BIRC6: variants seen among roughly 807,000 people sequenced by gnomAD.
BIRC6 encodes the protein baculoviral IAP repeat containing 6.
A neutral mutation model predicts 503.3 loss-of-function variants in BIRC6; 98 were observed. The observed-to-expected ratio is 0.19, with a 90% CI of 0.17 to 0.23. The LOEUF (loss-of-function observed/expected upper bound fraction) is 0.23, where lower values mean the gene tolerates loss of function less well. Ranked by LOEUF, BIRC6 falls within the 10% of genes least tolerant of loss-of-function variation. The probability of loss-of-function intolerance (pLI) is 1.00; values close to 1 mark genes in which losing one functional copy is unlikely to be tolerated. For missense variants in BIRC6, 5,360 were observed against 5,806.0 expected, an observed-to-expected ratio of 0.92 and a Z score of 2.50; for synonymous variants, 2,240 against 2,078.7, an observed-to-expected ratio of 1.08 and a Z score of -2.11.
Position 32,415,601 on chromosome 2 carries a change from T to C in BIRC6, c.2310T>C (p.Asn770=), listed in dbSNP as rs748429940. 6.2e-7 allele frequency: 1 copy of C among 1,613,776 alleles called. No individual in the cohort carries two copies. The highest frequency in any genetic ancestry group is 1.1e-5 in the South Asian group (1 of 91,060). ...INQVEALNNL[N]KLNSALCNRR... The stretch of plus-strand genomic sequence containing the variant: ...AAGTAGAGGCCTTGAATAATTTAAA[T>C]AAATTAAACTCTGCACTATGTAATA... The change falls in exon 10 of 74, where the codon AAT becomes AAC. Residue 770 remains asparagine, a synonymous_variant. Coordinates refer to ENST00000421745, the MANE Select transcript of BIRC6 (RefSeq NM_016252.4).
chr2:32,500,050 T>C lies in BIRC6; in HGVS notation c.8972T>C (p.Met2991Thr). Reference sequence around the variant, plus strand: ...TTAGTCTTAGCCAACCAACAAATTATGAGCCAGATTTTGTCTGCTCTGGGC... The same window carrying C: ...TTAGTCTTAGCCAACCAACAAATTACGAGCCAGATTTTGTCTGCTCTGGGC... ...ADLVLANQQI[M>T]SQILSALGLC... Residue 2991 changes from methionine (M) to threonine (T), a missense_variant, in exon 46 of 74, where the codon ATG becomes ACG. By Grantham distance (81) the Met-to-Thr change is moderately conservative. Coordinates refer to ENST00000421745, the MANE Select transcript of BIRC6 (RefSeq NM_016252.4). 6.2e-7 allele frequency: 1 copy of C among 1,613,962 alleles called. No individual in the cohort carries two copies.
In BIRC6 at chr2:32,482,634, T is replaced by G. The variant is rs1008874319; in HGVS notation, c.7696+52T>G. 3 of 1,591,756 alleles carry G rather than the reference T, an allele frequency of 1.9e-6. No individual in the cohort carries two copies. The African/African-American group carries it at 4.0e-5, about 21-fold the overall frequency. On this transcript the variant is annotated intron_variant, in intron 39 of 73. Coordinates refer to ENST00000421745, the MANE Select transcript of BIRC6 (RefSeq NM_016252.4). ...ATATGCTATTCTTAAAACAAGTCTG[T>G]CATTTATGTATACTTTGTCCCTTGA...
rs1279941159 is a variant in BIRC6, at chr2:32,454,051, A to G, written c.4753+109A>G. Reference sequence around the variant, plus strand: ...AATTATGTAATTTTCATTGCTGTTAAGTGGAAATTTATTTGTGGGAGGGGC... The same window carrying G: ...AATTATGTAATTTTCATTGCTGTTAGGTGGAAATTTATTTGTGGGAGGGGC... On this transcript the variant is annotated intron_variant, in intron 23 of 73. Coordinates refer to ENST00000421745, the MANE Select transcript of BIRC6 (RefSeq NM_016252.4). 3.1e-6 allele frequency: 3 copies of G among 981,992 alleles called. No individual in the cohort carries two copies. In the African/African-American group the frequency reaches 5.1e-5, roughly 17 times the overall value. 60.8% of individuals were successfully genotyped at this position (981,992 alleles called of 1,614,324 possible).
chr2:32,595,801 A>G (rs2061638386), intron 68 of BIRC6, among the ~76,000 whole-genome samples: 1 of 152,194 alleles, frequency 6.6e-6, no homozygotes, highest in Non-Finnish European at 1.5e-5. Context: ...AAACCTCATT[A>G]TAAATCATTT....
At chr2:32,504,023 T>TG (rs1209512811) in intron 49 of BIRC6, among the ~76,000 whole-genome samples, 2 of 45,568 alleles carry the variant, frequency 4.4e-5, no homozygotes, top group African/African-American at 2.0e-4. Flanking sequence ...GGGCGGGGGG[T>TG]GGGGGGGTGT....
rs183861758 is a variant in BIRC6 at position 32,539,948 on chromosome 2, A to G, written c.12292-3293A>G. ...AAAACCACACAAATTGGACATCCAC[A>G]AATGATAGCAAGCACATTATTATAA... is the stretch of plus-strand genomic sequence containing the variant. On this transcript the variant is annotated intron_variant, in intron 61 of 73. Coordinates refer to ENST00000421745, the MANE Select transcript of BIRC6 (RefSeq NM_016252.4). Among the ~76,000 whole-genome samples the G allele has an allele frequency of 2.7e-3, 406 of 152,230 alleles. 6 individuals are homozygous for G. Among genetic ancestry groups the G allele is most frequent in the African/African-American group, 9.5e-3 (397 of 41,580 alleles).
At chr2:32,504,289 A>G (rs1319237450) in intron 49 of BIRC6, among the ~76,000 whole-genome samples, 1 of 151,964 alleles carries the variant, frequency 6.6e-6, no homozygotes, top group African/African-American at 2.4e-5. Context: ...TTTTCTTTTC[A>G]TATTTCTAAA....
At chr2:32,425,686 T>A (rs945542073) in intron 10 of BIRC6, among the ~76,000 whole-genome samples, 1 of 152,224 alleles carries the variant, frequency 6.6e-6, no homozygotes, top group African/African-American at 2.4e-5. Flanking sequence ...TCTATCTCTT[T>A]AAATCTTCCT....
intron 65 of BIRC6, among the ~76,000 whole-genome samples, chr2:32,559,303 C>A (rs1191757723): frequency 6.6e-6 from 1 of 152,206 alleles, no homozygotes; most frequent in African/African-American, 2.4e-5. Flanking sequence ...ACTGATTAAA[C>A]ATGCATTTGG....
intron 61 of BIRC6, among the ~76,000 whole-genome samples, chr2:32,533,675 G>A (rs1022012791): frequency 5.3e-5 from 8 of 152,238 alleles, no homozygotes; most frequent in African/African-American, 1.7e-4. Context: ...CTCCTCAGCC[G>A]TCTAAGCATA....
At chr2:32,479,688 A>G in intron 37 of BIRC6, 71 bp downstream of exon 37, 2 of 1,309,094 alleles carry the variant, frequency 1.5e-6, no homozygotes, top group Admixed American at 2.5e-5. Flanking sequence ...AGAATGTTAG[A>G]GAAAAATAAA....
rs768590525 is a variant in BIRC6 at position 32,395,625 on chromosome 2, TAA to T, written c.1034+33_1034+34del. On this transcript the variant is annotated intron_variant, in intron 6 of 73. Coordinates refer to ENST00000421745, the MANE Select transcript of BIRC6 (RefSeq NM_016252.4). ...CTTGATGTTTCTGGGCATAATAGGC[TAA>T]GTCAGTCGTGTAAATAATGCTTCTA... 2.9e-5 allele frequency: 44 copies of T among 1,537,448 alleles called. 1 individual carries two copies. In the South Asian group the frequency reaches 5.0e-4, roughly 17 times the overall value.
intron 65 of BIRC6, among the ~76,000 whole-genome samples, chr2:32,559,141 T>G (rs1272136589): frequency 2.0e-5 from 3 of 152,258 alleles, no homozygotes; most frequent in African/African-American, 7.2e-5. Context: ...AAAAATTGTT[T>G]ATTGGCATAA....
chr2:32,492,629 A>G (rs914509531), intron 44 of BIRC6, among the ~76,000 whole-genome samples: 2 of 152,118 alleles, frequency 1.3e-5, no homozygotes, highest in Admixed American at 1.3e-4. Context: ...ATAGCTAGGT[A>G]TCAGTGAACA....
At chr2:32,546,293 G>T (rs1192971639) in intron 63 of BIRC6, among the ~76,000 whole-genome samples, 1 of 152,090 alleles carries the variant, frequency 6.6e-6, no homozygotes, top group Non-Finnish European at 1.5e-5. Flanking sequence ...GAACATACCA[G>T]AATAGGCTAG....
In BIRC6 at chr2:32,463,184, C is replaced by T; in HGVS notation, c.4754-10C>T. 6.3e-7 allele frequency: 1 copy of T among 1,597,528 alleles called. No homozygotes were observed. The highest frequency in any genetic ancestry group is 8.5e-7 in the Non-Finnish European group (1 of 1,173,888). ...TTTTGTTTTTGTTTTTACCCCTTGT[C>T]TTATGCCAGTGAGTTCCTTCGGGGT... On this transcript the variant is annotated splice_polypyrimidine_tract_variant and intron_variant, in intron 23 of 73. Transcript: ENST00000421745.
intron 61 of BIRC6, among the ~76,000 whole-genome samples, chr2:32,539,597 CACAATAGATACT>C (rs1302936402): frequency 6.6e-6 from 1 of 152,062 alleles, no homozygotes; most frequent in African/African-American, 2.4e-5. Context: ...AAGAAGAAAT[CACAATAGATACT>C]ACAAGATATT....
chr2:32,588,229 CCTG>C (rs1464668209), intron 66 of BIRC6, among the ~76,000 whole-genome samples: 8 of 152,034 alleles, frequency 5.3e-5, no homozygotes, highest in African/African-American at 1.9e-4. Context: ...GTGGTAGGTG[CCTG>C]TAATCTCAGC....
At chr2:32,443,387 G>A (rs1408592933) in intron 19 of BIRC6, 104 bp from the exon 20 acceptor site, 2 of 728,206 alleles carry the variant, frequency 2.7e-6, no homozygotes, top group Non-Finnish European at 4.4e-6. Flanking sequence ...CTTTTAATCG[G>A]TATAGAATAC....
Sources: allele counts gnomAD v4.1 joint callset (sites outside exome capture counted in the v4.1 genomes callset), GRCh38; gene constraint gnomAD v4.1.1; transcripts MANE v1.5; gene names NCBI Gene and HGNC (gene_info 2026-07-23, HGNC 2026-07-21).